Variants in NFIA observed in about 807,000 individuals in gnomAD.
The protein encoded by NFIA is nuclear factor I A, also known as nuclear factor 1 A-type.
Under a neutral mutation model 62.8 loss-of-function variants are expected in NFIA, and 8 were observed. That is an observed-to-expected ratio of 0.13 (90% CI 0.07 to 0.23). NFIA has a LOEUF of 0.23. Among genes scored for constraint, NFIA ranks in the 10% least tolerant of loss-of-function variants. The pLI is 1.00. For synonymous variants in NFIA, 235 were observed against 238.1 expected, an observed-to-expected ratio of 0.99 and a Z score of 0.12; for missense variants, 410 against 642.1, an observed-to-expected ratio of 0.64 and a Z score of 3.91.
chr1:61,447,284 T>A (rs1667853544), intron 10 of NFIA, among the ~76,000 whole-genome samples: 1 of 152,224 alleles, frequency 6.6e-6, no homozygotes, highest in Non-Finnish European at 1.5e-5. Flanking sequence ...AGCCAGCTTT[T>A]TTATGGCTAA....
At chr1:61,162,905 C>T (rs1649316886) in intron 2 of NFIA, among the ~76,000 whole-genome samples, 1 of 151,556 alleles carries the variant, frequency 6.6e-6, no homozygotes, top group African/African-American at 2.4e-5. Context: ...ATATTTATAC[C>T]TTAAAGATCT....
At chr1:61,201,482 T>C (rs1652486955) in intron 2 of NFIA, among the ~76,000 whole-genome samples, 1 of 151,760 alleles carries the variant, frequency 6.6e-6, no homozygotes, top group Non-Finnish European at 1.5e-5. Context: ...AAAAAGTGTC[T>C]TGTCAGGTTA....
At chr1:61,392,994 A>G (rs1010439718) in intron 7 of NFIA, among the ~76,000 whole-genome samples, 2 of 152,080 alleles carry the variant, frequency 1.3e-5, no homozygotes, top group African/African-American at 4.8e-5. Flanking sequence ...GTATCCATAC[A>G]TAGTGAAGGC....
chr1:61,355,126 T>C (rs762584664), intron 5 of NFIA, among the ~76,000 whole-genome samples: 6 of 152,160 alleles, frequency 3.9e-5, no homozygotes, highest in African/African-American at 7.2e-5. Context: ...CCTTATTTTT[T>C]AGATATAATT....
At chr1:61,348,361 A>C (rs1662359977) in intron 4 of NFIA, among the ~76,000 whole-genome samples, 1 of 152,220 alleles carries the variant, frequency 6.6e-6, no homozygotes, top group African/African-American at 2.4e-5. Flanking sequence ...TGTGAAACCC[A>C]TTCTCATTTC....
At chr1:61,128,068 A>G (rs1468987156) in intron 2 of NFIA, among the ~76,000 whole-genome samples, 1 of 152,182 alleles carries the variant, frequency 6.6e-6, no homozygotes, top group African/African-American at 2.4e-5. Context: ...TGAATGGCCT[A>G]AAAATGCGCT....
chr1:61,291,029 T>G (rs1247040015), intron 3 of NFIA, among the ~76,000 whole-genome samples: 1 of 152,186 alleles, frequency 6.6e-6, no homozygotes, highest in Non-Finnish European at 1.5e-5. Flanking sequence ...GAAGCTGGCC[T>G]TATGAGAGGA....
chr1:61,240,578 AT>A (rs1237264249), intron 2 of NFIA, among the ~76,000 whole-genome samples: 2 of 152,066 alleles, frequency 1.3e-5, no homozygotes, highest in Non-Finnish European at 2.9e-5. Flanking sequence ...AATATTGATA[AT>A]ATTGAAGAGA....
chr1:61,230,400 C>T (rs986259336), intron 2 of NFIA, among the ~76,000 whole-genome samples: 5 of 152,272 alleles, frequency 3.3e-5, no homozygotes, highest in Admixed American at 1.3e-4. Context: ...ATATTTCTGT[C>T]AAATCATAAC....
chr1:61,390,027 G>A (rs1664891459), intron 7 of NFIA, among the ~76,000 whole-genome samples: 1 of 152,170 alleles, frequency 6.6e-6, no homozygotes, highest in Admixed American at 6.5e-5. Flanking sequence ...TGTCCTTTGA[G>A]TGCTTGCCTC....
chr1:61,428,926 A>G (rs918793253), intron 10 of NFIA, among the ~76,000 whole-genome samples: 4 of 152,210 alleles, frequency 2.6e-5, no homozygotes, highest in African/African-American at 9.6e-5. Flanking sequence ...ATAAGAATTG[A>G]AGAGTCACCC....
chr1:61,295,246 A>T (rs1291794273), intron 3 of NFIA, among the ~76,000 whole-genome samples: 1 of 152,222 alleles, frequency 6.6e-6, no homozygotes, highest in Non-Finnish European at 1.5e-5. Context: ...TACTCATTCC[A>T]TGGCAAAGCT....
intron 2 of NFIA, among the ~76,000 whole-genome samples, chr1:61,268,943 G>A (rs1266546475): frequency 3.3e-5 from 5 of 152,142 alleles, no homozygotes; most frequent in East Asian, 3.9e-4. Context: ...CACCCCCACC[G>A]TCCCCTGAAC....
At chr1:61,114,132 C>T (rs1475591756) in intron 2 of NFIA, among the ~76,000 whole-genome samples, 3 of 152,062 alleles carry the variant, frequency 2.0e-5, no homozygotes, top group African/African-American at 7.2e-5. Flanking sequence ...ATGGCAAGAG[C>T]ACTTTTGAGA....
chr1:61,324,498 A>AT (rs140613953), intron 3 of NFIA, among the ~76,000 whole-genome samples: 158 of 152,336 alleles, frequency 1.0e-3, no homozygotes, highest in African/African-American at 3.6e-3. Flanking sequence ...GCCCCTTGAT[A>AT]TTCCAGCAGA....
intron 2 of NFIA, among the ~76,000 whole-genome samples, chr1:61,198,493 T>G (rs1652190985): frequency 6.6e-6 from 1 of 152,216 alleles, no homozygotes; most frequent in East Asian, 1.9e-4. Context: ...GGTCTTTGAC[T>G]GAGAAGTCAC....
At chr1:61,129,443 C>A (rs1485995651) in intron 2 of NFIA, among the ~76,000 whole-genome samples, 1 of 118,002 alleles carries the variant, frequency 8.5e-6, no homozygotes, top group Non-Finnish European at 1.6e-5. Context: ...GTGATACTTT[C>A]TTTATTCTTT....
At chr1:61,078,287 G>C (rs961979834), upstream of NFIA, among the ~76,000 whole-genome samples, 1 of 152,078 alleles carries the variant, frequency 6.6e-6, no homozygotes, top group African/African-American at 2.4e-5. Flanking sequence ...CTGATCGGGG[G>C]AGTTTTGCAT....
intron 2 of NFIA, among the ~76,000 whole-genome samples, chr1:61,262,864 C>G (rs1206661377): frequency 1.3e-5 from 2 of 152,192 alleles, no homozygotes; most frequent in African/African-American, 4.8e-5. Context: ...TTCATCCCTT[C>G]TTTCACCTCA....
Sources: allele counts gnomAD v4.1 joint callset (sites outside exome capture counted in the v4.1 genomes callset), GRCh38; gene constraint gnomAD v4.1.1; transcripts MANE v1.5; gene names NCBI Gene and HGNC (gene_info 2026-07-23, HGNC 2026-07-21).